Variants in LAMB2 observed in about 807,000 individuals in gnomAD.
The protein encoded by LAMB2 is laminin subunit beta 2, also known as laminin subunit beta-2.
LAMB2 carries 119 observed loss-of-function variants against 202.7 expected under a neutral mutation model. That is an observed-to-expected ratio of 0.59 (90% CI 0.51 to 0.68). The LOEUF (loss-of-function observed/expected upper bound fraction) is 0.68, where lower values mean the gene tolerates loss of function less well. LAMB2 is among the 30% of genes least tolerant of loss of function. The pLI is 0.00. For missense variants in LAMB2, 2,124 were observed against 2,410.6 expected, an observed-to-expected ratio of 0.88 and a Z score of 2.49; for synonymous variants, 818 against 902.2, an observed-to-expected ratio of 0.91 and a Z score of 1.67.
At chr3:49,122,602 C>T in intron 27 of LAMB2, 102 bp downstream of exon 27, 1 of 1,063,728 alleles carries the variant, frequency 9.4e-7, no homozygotes. Flanking sequence ...AAACACTAAT[C>T]CAGTGTAGTC....
chr3:49,125,791 A>G lies in LAMB2; in HGVS notation c.2444T>C (p.Leu815Pro). The change falls in exon 18 of 32, where the codon CTC (leucine) becomes CCC (proline). Residue 815 changes from leucine (L) to proline (P), a missense_variant. Transcript: ENST00000305544. ...KPGVVGRRCD[L>P]CAPGYYGFGP... ...AAAGCCATAGTAGCCAGGGGCACAG[A>G]GGTCACAGCGGCGCCCAACCACTCC... The G allele has an allele frequency of 1.2e-6, 2 of 1,614,066 alleles. No homozygotes were observed. The highest frequency in any genetic ancestry group is 1.7e-6 in the Non-Finnish European group (2 of 1,179,994).
intron 29 of LAMB2, 38 bp from the exon 30 acceptor site, chr3:49,121,898 T>C (rs1203291071): frequency 3.1e-6 from 5 of 1,613,612 alleles, no homozygotes; most frequent in Non-Finnish European, 2.5e-6. Flanking sequence ...AGATCTACGG[T>C]TCATGCCCAT....
At position 49,123,822 on chromosome 3, in the gene LAMB2, G is replaced by T; in HGVS notation, c.3703C>A (p.Gln1235Lys). The change falls in exon 24 of 32, where the codon CAG becomes AAG. Residue 1235 changes from glutamine to lysine, a missense_variant. Gln to Lys is a moderately conservative substitution (Grantham distance 53). Transcript: ENST00000305544. ...GAFESSFWHM[Q>K]EKLGIVQGIV... ...CCCTGCACAATGCCCAGCTTCTCCT[G>T]CATGTGCCAGAAGCTGCTCTCAAAG... is the stretch of plus-strand genomic sequence containing the variant. 6.2e-7 allele frequency: 1 copy of T among 1,613,280 alleles called. No individual in the cohort carries two copies. Among genetic ancestry groups the T allele is most frequent in the Non-Finnish European group, 8.5e-7 (1 of 1,179,920 alleles).
At position 49,129,548 on chromosome 3, in the gene LAMB2, C is replaced by T; in HGVS notation, c.1518+56G>A. The T allele has an allele frequency of 1.4e-6, 2 of 1,421,926 alleles. No individual in the cohort carries two copies. The highest frequency in any genetic ancestry group is 2.0e-6 in the Non-Finnish European group (2 of 1,007,760). The allele number at this position is 1,421,926 out of a possible 1,614,324, so 88.1% of individuals were successfully genotyped here. ...CACTGGCATAGATGTGACACCCCAG[C>T]CCTGTGCTCTAAGGACAAATCATGC... On this transcript the variant is annotated intron_variant, in intron 11 of 31. Coordinates refer to ENST00000305544, the MANE Select transcript of LAMB2 (RefSeq NM_002292.4). The surrounding 1 kb of genome is among the most constrained non-coding windows in gnomAD (Gnocchi z 6.1).
At position 49,131,954 on chromosome 3, in the gene LAMB2, A is replaced by G. The variant is rs576201611; in HGVS notation, c.459+162T>C. On this transcript the variant is annotated intron_variant, in intron 4 of 31. Transcript: ENST00000305544. This position sits in a 1 kb window ranked among gnomAD's most constrained non-coding sequence, Gnocchi z 5.0. ...CCCAGCCTGGGATTGGAAAGGCAGAAGAGCATGTGCAAAGGCCTGGAGGCA... is the reference window on the plus strand; with the variant it reads ...CCCAGCCTGGGATTGGAAAGGCAGAGGAGCATGTGCAAAGGCCTGGAGGCA... Among the ~76,000 whole-genome samples, 1 of 152,306 alleles carries G rather than the reference A, an allele frequency of 6.6e-6. No homozygotes were observed. Among genetic ancestry groups the G allele is most frequent in the East Asian group, 1.9e-4 (1 of 5,186 alleles).
In LAMB2 at chr3:49,129,508, C is replaced by T; in HGVS notation, c.1518+96G>A. ...TTCTCAGCCAGGACTGGATCCTAAG[C>T]TCTCAGCACCCACCCACTGGCATAG... On this transcript the variant is annotated intron_variant, in intron 11 of 31. Coordinates refer to ENST00000305544, the MANE Select transcript of LAMB2 (RefSeq NM_002292.4). This position sits in a 1 kb window ranked among gnomAD's most constrained non-coding sequence, Gnocchi z 6.1. 1 of 1,159,596 alleles carries T rather than the reference C, an allele frequency of 8.6e-7. No individual in the cohort carries two copies. The highest frequency in any genetic ancestry group is 1.3e-6 in the Non-Finnish European group (1 of 784,186). 71.8% of individuals were successfully genotyped at this position (1,159,596 alleles called of 1,614,324 possible). A position where few individuals can be genotyped will look rare whatever the true frequency, so the allele number is the denominator to read the frequency against.
Position 49,129,245 on chromosome 3 carries a change from T to C in LAMB2, c.1598A>G (p.Gln533Arg), listed in dbSNP as rs773413714. 1 of 1,614,048 alleles carries C rather than the reference T, an allele frequency of 6.2e-7. No individual in the cohort carries two copies. The highest frequency in any genetic ancestry group is 8.5e-7 in the Non-Finnish European group (1 of 1,179,984). Residue 533 changes from glutamine to arginine, a missense_variant and splice_region_variant, in exon 12 of 32, where the codon CAG (glutamine) becomes CGG (arginine). Physicochemically the swap from Gln to Arg is conservative, Grantham distance 43. This residue lies in a region of LAMB2 where 1,702 missense variants were observed against 1,896.3 expected (regional missense o/e 0.90). Coordinates refer to ENST00000305544, the MANE Select transcript of LAMB2 (RefSeq NM_002292.4). The surrounding 1 kb of genome is among the most constrained non-coding windows in gnomAD (Gnocchi z 6.1). ...DCDVGGALDP[Q>R]CDEGTGQCHC... is the part of the protein sequence containing the mutation. ...CCCAGGCCCCCTTTACAACACTTAC[T>C]GGGGATCCAAAGCACCACCCACGTC...
chr3:49,127,838 G>C (rs944095010), intron 15 of LAMB2, among the ~76,000 whole-genome samples: 1 of 151,752 alleles, frequency 6.6e-6, no homozygotes, highest in Non-Finnish European at 1.5e-5. Context: ...GGCCAACATG[G>C]TGAAACCCCA....
rs914161776 is a variant in LAMB2, at chr3:49,129,734, C to G, written c.1406-18G>C. 1.2e-6 allele frequency: 2 copies of G among 1,611,932 alleles called. No homozygotes were observed. The highest frequency in any genetic ancestry group is 1.3e-5 in the African/African-American group (1 of 74,886). The stretch of plus-strand genomic sequence containing the variant: ...TTGACATCCTGCAGGGAAGGAGAAC[C>G]ATCAGCACTTTGGGAAACTGTGGCA... On this transcript the variant is annotated intron_variant, in intron 10 of 31. Coordinates refer to ENST00000305544, the MANE Select transcript of LAMB2 (RefSeq NM_002292.4). The surrounding 1 kb of genome is among the most constrained non-coding windows in gnomAD (Gnocchi z 6.1).
rs202088008 is a variant in LAMB2 at position 49,131,193 on chromosome 3, T to C, written c.713-41A>G. ...GGGGGCCAACTGACCAGGCAGGCCC[T>C]TGCTGCCCCATGTCCACCCAGGGGC... On this transcript the variant is annotated intron_variant, in intron 6 of 31. Coordinates refer to ENST00000305544, the MANE Select transcript of LAMB2 (RefSeq NM_002292.4). This position sits in a 1 kb window ranked among gnomAD's most constrained non-coding sequence, Gnocchi z 5.0. 5.0e-4 allele frequency: 792 copies of C among 1,591,648 alleles called. No homozygotes were observed. Among genetic ancestry groups the C allele is most frequent in the Non-Finnish European group, 6.0e-4 (695 of 1,161,982 alleles).
In LAMB2 at chr3:49,121,220, C is replaced by T; in HGVS notation, c.*6G>A. The T allele has an allele frequency of 6.2e-7, 1 of 1,612,180 alleles. No individual in the cohort carries two copies. Among genetic ancestry groups the T allele is most frequent in the Non-Finnish European group, 8.5e-7 (1 of 1,180,006 alleles). The stretch of plus-strand genomic sequence containing the variant: ...GCTAGGAACTGGGGTAGGCCTTGGG[C>T]AGGGGTCACTGGCAGGTGTTGTAGA... On this transcript the variant is annotated 3_prime_UTR_variant, in exon 32 of 32. Transcript: ENST00000305544.
In LAMB2 at chr3:49,129,987, G is replaced by T. The variant is rs146643686; in HGVS notation, c.1257C>A (p.Asp419Glu). The T allele has an allele frequency of 6.2e-6, 10 of 1,613,992 alleles. No individual in the cohort carries two copies. In the South Asian group the frequency reaches 9.9e-5, roughly 16 times the overall value. The change falls in exon 10 of 32, where the codon GAC becomes GAA. Residue 419 changes from aspartate (D) to glutamate (E), a missense_variant. Physicochemically the swap from Asp to Glu is conservative, Grantham distance 45. This residue lies in a region of LAMB2 where 1,702 missense variants were observed against 1,896.3 expected (regional missense o/e 0.90). Coordinates refer to ENST00000305544, the MANE Select transcript of LAMB2 (RefSeq NM_002292.4). This position sits in a 1 kb window ranked among gnomAD's most constrained non-coding sequence, Gnocchi z 6.1. ...CATCATGGGAATCACAGCGACCACC[G>T]TCTTGAGAACCCATGGGGTCACAAT... ...SCDCDPMGSQDGGRCDSHDDP... is the reference protein window; with the variant it reads ...SCDCDPMGSQEGGRCDSHDDP...
In LAMB2 at chr3:49,124,213, C is replaced by T; in HGVS notation, c.3401G>A (p.Gly1134Glu). The change falls in exon 23 of 32, where the codon GGA becomes GAA. Residue 1134 changes from glycine (G) to glutamate (E), a missense_variant. Transcript: ENST00000305544. ...ACCATGGCACTGCAACCCAGGGTCT[C>T]CCCAGTGGAGCTCTTGGCACTCAGA... Reference protein sequence around the residue: ...TCSECQELHWGDPGLQCHACD... With the variant: ...TCSECQELHWEDPGLQCHACD... 6.2e-7 allele frequency: 1 copy of T among 1,614,040 alleles called. No individual in the cohort carries two copies. Among genetic ancestry groups the T allele is most frequent in the Non-Finnish European group, 8.5e-7 (1 of 1,179,966 alleles).
Position 49,130,071 on chromosome 3 carries a change from G to A in LAMB2, c.1226-53C>T. On this transcript the variant is annotated intron_variant, in intron 9 of 31. Coordinates refer to ENST00000305544, the MANE Select transcript of LAMB2 (RefSeq NM_002292.4). The surrounding 1 kb of genome is among the most constrained non-coding windows in gnomAD (Gnocchi z 5.0). The stretch of plus-strand genomic sequence containing the variant: ...CTCACCCTATCTCAACTAGCTCACT[G>A]CCAGTCCTCTCCTAAGCCTAAGGGA... The A allele has an allele frequency of 6.3e-7, 1 of 1,597,046 alleles. No homozygotes were observed. Among genetic ancestry groups the A allele is most frequent in the South Asian group, 1.1e-5 (1 of 90,722 alleles).
rs781715732 is a variant in LAMB2 at position 49,122,021 on chromosome 3, G to A, written c.4846C>T (p.Arg1616Trp). 5.1e-5 allele frequency: 82 copies of A among 1,613,558 alleles called. No homozygotes were observed. The highest frequency in any genetic ancestry group is 1.6e-4 in the Middle Eastern group (1 of 6,084). ...GCACCCTGGGCAATACCCTGTGCCC[G>A]CTGGGCCTCCTCCAGTGCTGCCTGT... is the stretch of plus-strand genomic sequence containing the variant. ...TVQAALEEAQ[R>W]AQGIAQGAIR... Residue 1616 changes from arginine to tryptophan, a missense_variant, in exon 29 of 32, where the codon CGG becomes TGG. Transcript: ENST00000305544.
chr3:49,125,987 AG>A lies in LAMB2; in HGVS notation c.2323del (p.Leu775SerfsTer17). The A allele has an allele frequency of 6.2e-7, 1 of 1,614,146 alleles. No homozygotes were observed. Among genetic ancestry groups the A allele is most frequent in the Non-Finnish European group, 8.5e-7 (1 of 1,180,016 alleles). Reference protein sequence around the residue: ...CAPLLISLSTLIYNGALPCQC... With the variant: ...CAPLLISLSTXIYNGALPCQC... ...CTCACGCAGGGCACCATTGTAGATG[AG>A]GGTGGACAGGCTGATGAGGAGGGGT... On this transcript the variant is annotated frameshift_variant, in exon 17 of 32. Coordinates refer to ENST00000305544, the MANE Select transcript of LAMB2 (RefSeq NM_002292.4). LOFTEE classifies it high-confidence loss of function.
In LAMB2 at chr3:49,131,799, G is replaced by T; in HGVS notation, c.460-76C>A. On this transcript the variant is annotated intron_variant, in intron 4 of 31. Coordinates refer to ENST00000305544, the MANE Select transcript of LAMB2 (RefSeq NM_002292.4). This position sits in a 1 kb window ranked among gnomAD's most constrained non-coding sequence, Gnocchi z 5.0. ...CCAGAGCCATCAAGAGCCCTGCTCA[G>T]CCCAAGACTGCCCTCAAATAGCTCA... 1 of 1,451,020 alleles carries T rather than the reference G, an allele frequency of 6.9e-7. No individual in the cohort carries two copies. Among genetic ancestry groups the T allele is most frequent in the Admixed American group, 1.8e-5 (1 of 54,962 alleles). 89.9% of individuals were successfully genotyped at this position (1,451,020 alleles called of 1,614,324 possible).
In LAMB2 at chr3:49,121,535, T is replaced by C. The variant is rs1486486237; in HGVS notation, c.5158A>G (p.Lys1720Glu). Reference protein sequence around the residue: ...YQTVKALAERKAQGVLAAQAR... With the variant: ...YQTVKALAEREAQGVLAAQAR... ...TGTGCAGCCAGCACACCTTGGGCCT[T>C]GCGCTCAGCTAGGGCCTTCACCGTC... is the stretch of plus-strand genomic sequence containing the variant. The change falls in exon 31 of 32, where the codon AAG becomes GAG. Residue 1720 changes from lysine to glutamate, a missense_variant. Lys to Glu is a moderately conservative substitution (Grantham distance 56). Coordinates refer to ENST00000305544, the MANE Select transcript of LAMB2 (RefSeq NM_002292.4). 6.2e-7 allele frequency: 1 copy of C among 1,614,072 alleles called. No homozygotes were observed. Among genetic ancestry groups the C allele is most frequent in the East Asian group, 2.2e-5 (1 of 44,886 alleles).
Position 49,129,210 on chromosome 3 carries a change from C to T in LAMB2, c.1598+35G>A, listed in dbSNP as rs1236278634. The T allele has an allele frequency of 6.2e-7, 1 of 1,614,000 alleles. No individual in the cohort carries two copies. The highest frequency in any genetic ancestry group is 8.5e-7 in the Non-Finnish European group (1 of 1,180,024). ...CCTTCTCTTCTGCTCAGGATCTTTCCCCATCCCTTCCCAGGCCCCCTTTAC... is the reference window on the plus strand; with the variant it reads ...CCTTCTCTTCTGCTCAGGATCTTTCTCCATCCCTTCCCAGGCCCCCTTTAC... On this transcript the variant is annotated intron_variant, in intron 12 of 31. Coordinates refer to ENST00000305544, the MANE Select transcript of LAMB2 (RefSeq NM_002292.4). The surrounding 1 kb of genome is among the most constrained non-coding windows in gnomAD (Gnocchi z 6.1).
Sources: gnomAD v4.1 joint callset for allele counts (sites outside exome capture counted in the v4.1 genomes callset) on GRCh38, gnomAD v4.1.1 for gene constraint, gnomAD v4.1.1 regional missense constraint, Gnocchi (gnomAD v3.1) non-coding constraint, MANE v1.5 for transcripts, NCBI Gene and HGNC (gene_info 2026-07-23, HGNC 2026-07-21) for gene names.